The following CA9 variants were observed in gnomAD, a reference collection of about 807,000 sequenced individuals.
CA9 encodes the protein CA-IX.
Under a neutral mutation model 51.8 loss-of-function variants are expected in CA9, and 43 were observed. That is an observed-to-expected ratio of 0.83 (90% confidence interval 0.65 to 1.07). The LOEUF is 1.07. Ranked by LOEUF, CA9 falls within the 50% of genes least tolerant of loss-of-function variation. CA9 has a pLI of 0.00. For synonymous variants in CA9, 253 were observed against 244.2 expected, an observed-to-expected ratio of 1.04 and a Z score of -0.34; for missense variants, 574 against 581.4, an observed-to-expected ratio of 0.99 and a Z score of 0.13.
intron 6 of CA9, among the ~76,000 whole-genome samples, chr9:35,678,162 T>C (rs1316987147): frequency 1.3e-5 from 2 of 151,824 alleles, no homozygotes; most frequent in Admixed American, 6.6e-5. Context: ...CTGGCCAACA[T>C]GGTGAAACCC....
Position 35,675,923 on chromosome 9 carries a change from G to A in CA9, c.596G>A (p.Gly199Asp). The change falls in exon 3 of 11, where the codon GGC becomes GAC. Residue 199 changes from glycine (G) to aspartate (D), a missense_variant. Coordinates refer to ENST00000378357, the MANE Select transcript of CA9 (RefSeq NM_001216.3). ...CCAGAACTGCGCCTGCGCAACAATG[G>A]CCACAGTGGTGAGGGGGTCTCCCCG... ...PLPELRLRNN[G>D]HSVQLTLPPG... 1 of 1,605,990 alleles carries A rather than the reference G, an allele frequency of 6.2e-7. No individual in the cohort carries two copies. Among genetic ancestry groups the A allele is most frequent in the African/African-American group, 1.3e-5 (1 of 74,964 alleles).
chr9:35,679,717 T>TAA lies in CA9; in HGVS notation c.1066-134_1066-133dup, dbSNP rs1587946977. 5.0e-6 allele frequency: 4 copies of TAA among 792,502 alleles called. No homozygotes were observed. The East Asian group carries it at 1.1e-4, about 22-fold the overall frequency. The allele number at this position is 792,502 out of a possible 1,614,324, so 49.1% of individuals were successfully genotyped here. Reference sequence around the variant, plus strand: ...TCTTTAGGATACATTTATTTATTTATAAAAGAAATCAAGAGGCTGGATGGG... The same window carrying TAA: ...TCTTTAGGATACATTTATTTATTTATAAAAAAGAAATCAAGAGGCTGGATGGG... On this transcript the variant is annotated intron_variant, in intron 7 of 10. Transcript: ENST00000378357.
chr9:35,678,301 G>A lies in CA9; in HGVS notation c.907+445G>A, dbSNP rs942400949. Among the ~76,000 whole-genome samples, 6 of 148,288 alleles carry A rather than the reference G, an allele frequency of 4.0e-5. No individual in the cohort carries two copies. The East Asian group carries it at 5.9e-4, about 15-fold the overall frequency. ...GCAGAAGTTGCAGTGAGCCGAGATC[G>A]TGCCACTGCACTCCAGCCTGGGCAA... is the stretch of plus-strand genomic sequence containing the variant. On this transcript the variant is annotated intron_variant, in intron 6 of 10. Transcript: ENST00000378357.
Position 35,674,262 on chromosome 9 carries a change from A to G in CA9, c.303A>G (p.Lys101=), listed in dbSNP as rs1463213697. 6.2e-7 allele frequency: 1 copy of G among 1,613,984 alleles called. No individual in the cohort carries two copies. Among genetic ancestry groups the G allele is most frequent in the African/African-American group, 1.3e-5 (1 of 74,908 alleles). The part of the protein sequence containing the change: ...GEEDLPEVKP[K]SEEEGSLKLE... ...AGGATCTACCTGAAGTTAAGCCTAA[A>G]TCAGAAGAAGAGGGCTCCCTGAAGT... Residue 101 remains lysine, a synonymous_variant, in exon 1 of 11, where the codon AAA becomes AAG. Transcript: ENST00000378357.
rs1824415672 is a variant in CA9 at position 35,676,096 on chromosome 9, G to A, written c.637G>A (p.Ala213Thr). Residue 213 changes from alanine (A) to threonine (T), a missense_variant, in exon 4 of 11, where the codon GCT (alanine) becomes ACT (threonine). Ala to Thr is a moderately conservative substitution (Grantham distance 58, BLOSUM62 0). Transcript: ENST00000378357. ...GACCCTGCCTCCTGGGCTAGAGATG[G>A]CTCTGGGTCCCGGGCGGGAGTACCG... ...QLTLPPGLEM[A>T]LGPGREYRAL... 2 of 1,613,276 alleles carry A rather than the reference G, an allele frequency of 1.2e-6. No individual in the cohort carries two copies. The highest frequency in any genetic ancestry group is 2.7e-5 in the African/African-American group (2 of 74,968).
chr9:35,679,040 C>G, intron 6 of CA9, 145 bp from the exon 7 acceptor site: 1 of 776,770 alleles, frequency 1.3e-6, no homozygotes, highest in Non-Finnish European at 2.1e-6. Flanking sequence ...TGAGTTACGT[C>G]TTATGGGAAG....
Position 35,676,071 on chromosome 9 carries a change from G to A in CA9, c.612G>A (p.Leu204=), listed in dbSNP as rs1273483492. Residue 204 remains leucine, a synonymous_variant, in exon 4 of 11, where the codon CTG becomes CTA. Transcript: ENST00000378357. ...TTGCCTCTCCCTACGCAGTGCAACT[G>A]ACCCTGCCTCCTGGGCTAGAGATGG... ...RLRNNGHSVQ[L]TLPPGLEMAL... The A allele has an allele frequency of 1.9e-6, 3 of 1,613,152 alleles. No individual in the cohort carries two copies.
rs747577387 is a variant in CA9, at chr9:35,676,352, G to A, written c.803G>A (p.Arg268His). 4.3e-6 allele frequency: 7 copies of A among 1,613,920 alleles called. No homozygotes were observed. The South Asian group carries it at 7.7e-5, about 18-fold the overall frequency. The change falls in exon 5 of 11, where the codon CGC (arginine) becomes CAC (histidine). Residue 268 changes from arginine to histidine, a missense_variant. Arg to His is a conservative substitution (Grantham distance 29). Coordinates refer to ENST00000378357, the MANE Select transcript of CA9 (RefSeq NM_001216.3). ...GCCAGAGTTGACGAGGCCTTGGGGC[G>A]CCCGGGAGGCCTGGCCGTGTTGGCC... is the stretch of plus-strand genomic sequence containing the variant. ...AFARVDEALGRPGGLAVLAAF... is the reference protein window; with the variant it reads ...AFARVDEALGHPGGLAVLAAF...
At position 35,679,348 on chromosome 9, in the gene CA9, C is replaced by T; in HGVS notation, c.1065+6C>T. 6.2e-7 allele frequency: 1 copy of T among 1,610,168 alleles called. No homozygotes were observed. The highest frequency in any genetic ancestry group is 8.5e-7 in the Non-Finnish European group (1 of 1,178,162). On this transcript the variant is annotated splice_donor_region_variant and intron_variant, in intron 7 of 10. Coordinates refer to ENST00000378357, the MANE Select transcript of CA9 (RefSeq NM_001216.3). ...TGATGCTGAGTGCTAAGCAGGTGGG[C>T]CTGGGGTGTGTGTGGACACAGTGGG...
intron 7 of CA9, 23 bp downstream of exon 7, chr9:35,679,365 C>G: frequency 6.2e-7 from 1 of 1,601,338 alleles, no homozygotes; most frequent in Non-Finnish European, 8.5e-7. Context: ...TGTGTGTGGA[C>G]ACAGTGGGTG....
chr9:35,674,647 G>A (rs1824382281), intron 1 of CA9: 2 of 311,012 alleles, frequency 6.4e-6, no homozygotes, highest in South Asian at 8.6e-5. Flanking sequence ...GCAGATGAGA[G>A]AAAAAATGTG....
At chr9:35,680,416 G>A (rs1287984784) in intron 9 of CA9, among the ~76,000 whole-genome samples, 1 of 152,126 alleles carries the variant, frequency 6.6e-6, no homozygotes, top group African/African-American at 2.4e-5. Flanking sequence ...AGGCTGGGGT[G>A]TTGTGGCACG....
Position 35,676,295 on chromosome 9 carries a change from A to C in CA9, c.748-2A>C. On this transcript the variant is annotated splice_acceptor_variant, in intron 4 of 10. Coordinates refer to ENST00000378357, the MANE Select transcript of CA9 (RefSeq NM_001216.3). LOFTEE classifies it high-confidence loss of function. ...CCTCTCCTACCCTCGTGTCCTTTTC[A>C]GATCCACGTGGTTCACCTCAGCACC... is the stretch of plus-strand genomic sequence containing the variant. 6.2e-7 allele frequency: 1 copy of C among 1,614,058 alleles called. No homozygotes were observed. The highest frequency in any genetic ancestry group is 1.1e-5 in the South Asian group (1 of 91,082).
At chr9:35,675,658 T>TGGCC in intron 2 of CA9, 91 bp downstream of exon 2, 46 of 1,406,840 alleles carry the variant, frequency 3.3e-5, no homozygotes, top group Non-Finnish European at 4.4e-5. Context: ...GTCCCGGGCG[T>TGGCC]CCCACCCGCC....
Position 35,681,072 on chromosome 9 carries a change from G to C in CA9, c.*47G>C. ...GAGAAGCCAGCCAGAGGCATCTGAG[G>C]GGGAGCCGGTAACTGTCCTGTCCTG... On this transcript the variant is annotated 3_prime_UTR_variant, in exon 11 of 11. Transcript: ENST00000378357. The C allele has an allele frequency of 1.3e-6, 2 of 1,559,902 alleles. No individual in the cohort carries two copies. Among genetic ancestry groups the C allele is most frequent in the Non-Finnish European group, 1.8e-6 (2 of 1,135,656 alleles).
chr9:35,680,839 T>C lies in CA9; in HGVS notation c.1319+5T>C. The C allele has an allele frequency of 1.2e-6, 2 of 1,614,082 alleles. No homozygotes were observed. The highest frequency in any genetic ancestry group is 1.3e-5 in the African/African-American group (1 of 75,040). ...GCAGATGAGAAGGCAGCACAGGTAT[T>C]ACACTGACCCTTTCTTCAGGCACAA... On this transcript the variant is annotated splice_donor_5th_base_variant and intron_variant, in intron 10 of 10. Transcript: ENST00000378357.
chr9:35,674,545 G>C, intron 1 of CA9, 183 bp downstream of exon 1: 2 of 579,328 alleles, frequency 3.5e-6, no homozygotes, highest in Non-Finnish European at 6.0e-6. Context: ...GACAGATGTG[G>C]AGAGAAAATA....
intron 10 of CA9, 39 bp from the exon 11 acceptor site, chr9:35,680,926 C>T (rs1824537251): frequency 6.2e-7 from 1 of 1,612,212 alleles, no homozygotes; most frequent in East Asian, 2.2e-5. Context: ...TGCTCCTGGG[C>T]CAGTTTTCTG....
chr9:35,679,628 G>T (rs964641405), intron 7 of CA9, among the ~76,000 whole-genome samples: 1 of 152,176 alleles, frequency 6.6e-6, no homozygotes, highest in Non-Finnish European at 1.5e-5. Context: ...GGCTGAGGTG[G>T]GAAGATCGCT....
Sources: gnomAD v4.1 joint callset for allele counts (sites outside exome capture counted in the v4.1 genomes callset) on GRCh38, gnomAD v4.1.1 for gene constraint, MANE v1.5 for transcripts, NCBI Gene and HGNC (gene_info 2026-07-23, HGNC 2026-07-21) for gene names.